The following ANK3 variants were observed in gnomAD, a reference collection of about 807,000 sequenced individuals.
ANK3 encodes ankyrin-3.
ANK3 carries 57 observed loss-of-function variants against 370.9 expected under a neutral mutation model. The ratio of observed to expected loss-of-function variants is 0.15; its 90% confidence interval spans 0.12 to 0.19. The LOEUF is 0.19. Among genes scored for constraint, ANK3 ranks in the 10% least tolerant of loss-of-function variants. ANK3 has a pLI of 1.00. For synonymous variants in ANK3, 1,929 were observed against 1,946.3 expected (o/e 0.99, Z 0.23); for missense variants, 4,439 against 5,302.1 (o/e 0.84, Z 5.06).
chr10:60,434,346 T>A (rs939171775), intron 2 of ANK3, among the ~76,000 whole-genome samples: 1 of 152,202 alleles, frequency 6.6e-6, no homozygotes, highest in Non-Finnish European at 1.5e-5. Flanking sequence ...AGTCTACTTA[T>A]TATACTATAG....
chr10:60,341,634 TAA>T (rs1304102810), intron 1 of ANK3, among the ~76,000 whole-genome samples: 1 of 152,150 alleles, frequency 6.6e-6, no homozygotes, highest in Non-Finnish European at 1.5e-5. Context: ...TTTTCCCAAG[TAA>T]AGAGGGGGCA....
In ANK3 at chr10:60,028,275, G is replaced by T. The variant is rs74155257; in HGVS notation, c.*1571C>A. 3,316 of 152,688 alleles carry T rather than the reference G, an allele frequency of 0.022. 55 individuals carry two copies. Among genetic ancestry groups the T allele is most frequent in the African/African-American group, 0.049 (2,043 of 41,556 alleles). The allele number at this position is 152,688 out of a possible 1,614,324, so 9.5% of individuals were successfully genotyped here. A position where few individuals can be genotyped will look rare whatever the true frequency, so the allele number is the denominator to read the frequency against. Reference sequence around the variant, plus strand: ...TTGCAGGGCACATATGAATGTTAGAGATTATCTCTTCAGTGACCACAGAGG... The same window carrying T: ...TTGCAGGGCACATATGAATGTTAGATATTATCTCTTCAGTGACCACAGAGG... On this transcript the variant is annotated 3_prime_UTR_variant, in exon 44 of 44. Coordinates refer to ENST00000280772, the MANE Select transcript of ANK3 (RefSeq NM_020987.5).
intron 2 of ANK3, among the ~76,000 whole-genome samples, chr10:60,560,312 C>T (rs1418565062): frequency 1.3e-5 from 2 of 152,040 alleles, no homozygotes; most frequent in African/African-American, 4.8e-5. Flanking sequence ...TAGAAATTCC[C>T]TAAAATAGCA....
At chr10:60,665,218 T>G (rs1401541535) in intron 1 of ANK3, among the ~76,000 whole-genome samples, 1 of 152,178 alleles carries the variant, frequency 6.6e-6, no homozygotes, top group Non-Finnish European at 1.5e-5. Context: ...AAAATTTATT[T>G]TTAAGCATAT....
chr10:60,198,997 T>C (rs2096630460), intron 13 of ANK3, among the ~76,000 whole-genome samples: 1 of 151,900 alleles, frequency 6.6e-6, no homozygotes, highest in African/African-American at 2.4e-5. Flanking sequence ...CAGTGTGGGG[T>C]TGCGCAGTAT....
At chr10:60,495,257 A>C (rs2075624654) in intron 2 of ANK3, among the ~76,000 whole-genome samples, 1 of 152,176 alleles carries the variant, frequency 6.6e-6, no homozygotes, top group Non-Finnish European at 1.5e-5. Flanking sequence ...AAGATCCCTG[A>C]GGTTAAGGCT....
intron 10 of ANK3, among the ~76,000 whole-genome samples, chr10:60,207,822 T>C (rs1174250498): frequency 6.6e-6 from 1 of 152,218 alleles, no homozygotes; most frequent in Non-Finnish European, 1.5e-5. Flanking sequence ...TATGTGACCA[T>C]AAAAACATTA....
chr10:60,528,966 A>T (rs2076541687), intron 2 of ANK3, among the ~76,000 whole-genome samples: 1 of 152,144 alleles, frequency 6.6e-6, no homozygotes, highest in Admixed American at 6.6e-5. Flanking sequence ...TAATGCTGAG[A>T]TACTAACCCA....
chr10:60,247,318 G>A (rs950790821), intron 7 of ANK3, among the ~76,000 whole-genome samples: 1 of 152,052 alleles, frequency 6.6e-6, no homozygotes, highest in African/African-American at 2.4e-5. Flanking sequence ...GACCCAGTCA[G>A]AGCCCAGTGA....
intron 7 of ANK3, among the ~76,000 whole-genome samples, chr10:60,244,260 A>G (rs945025458): frequency 3.9e-5 from 6 of 152,318 alleles, no homozygotes; most frequent in East Asian, 1.9e-4. Context: ...ATGTATGTGA[A>G]TTACTGATGT....
intron 2 of ANK3, among the ~76,000 whole-genome samples, chr10:60,450,279 C>G (rs1205905933): frequency 6.6e-6 from 1 of 152,140 alleles, no homozygotes; most frequent in Non-Finnish European, 1.5e-5. Context: ...GCCTGGGTGA[C>G]AGCGGGAGGC....
chr10:60,261,207 C>T (rs1235787635), intron 7 of ANK3, among the ~76,000 whole-genome samples: 1 of 152,226 alleles, frequency 6.6e-6, no homozygotes, highest in East Asian at 1.9e-4. Context: ...CTGCCTCCAG[C>T]TTCACTTGTA....
rs10159795 is a variant in ANK3 at position 60,456,462 on chromosome 10, C to T, written c.96+158724G>A. Among the ~76,000 whole-genome samples the T allele has an allele frequency of 9.7e-3, 1,479 of 152,268 alleles. 27 individuals carry two copies. The highest frequency in any genetic ancestry group is 0.033 in the African/African-American group (1,365 of 41,556). ...AATCAATGGTTTTTCAAACTACCTCCCTCCTACCCTGATCTCACAGAGGGA... is the reference window on the plus strand; with the variant it reads ...AATCAATGGTTTTTCAAACTACCTCTCTCCTACCCTGATCTCACAGAGGGA... On this transcript the variant is annotated intron_variant, in intron 2 of 43. Coordinates refer to the ANK3 transcript ENST00000373827.
At chr10:60,229,669 A>G (rs1401863077) in intron 8 of ANK3, among the ~76,000 whole-genome samples, 1 of 152,236 alleles carries the variant, frequency 6.6e-6, no homozygotes, top group Admixed American at 6.5e-5. Flanking sequence ...TTATTCTTGT[A>G]CATAAACCGG....
chr10:60,148,483 G>C (rs550710538), intron 23 of ANK3, among the ~76,000 whole-genome samples: 1 of 152,252 alleles, frequency 6.6e-6, no homozygotes, highest in East Asian at 1.9e-4. Flanking sequence ...TAGCCACAAA[G>C]AACAGAATAA....
intron 1 of ANK3, among the ~76,000 whole-genome samples, chr10:60,316,669 G>A (rs896509605): frequency 1.8e-4 from 27 of 152,176 alleles, no homozygotes; most frequent in African/African-American, 6.5e-4. Context: ...TCCTTTTAGA[G>A]ACACTGCAAC....
chr10:60,100,950 AT>A (rs752342858), intron 28 of ANK3, among the ~76,000 whole-genome samples: 2 of 152,136 alleles, frequency 1.3e-5, no homozygotes, highest in African/African-American at 4.8e-5. Context: ...GGTGAAATTA[AT>A]TTTTTATTTG....
chr10:60,428,464 C>T (rs946462231), intron 2 of ANK3, among the ~76,000 whole-genome samples: 2 of 152,192 alleles, frequency 1.3e-5, no homozygotes, highest in African/African-American at 4.8e-5. Flanking sequence ...CTGCCCCTTA[C>T]AATTTCCTAT....
intron 1 of ANK3, among the ~76,000 whole-genome samples, chr10:60,731,535 G>C (rs1256069302): frequency 6.6e-6 from 1 of 152,220 alleles, no homozygotes; most frequent in Non-Finnish European, 1.5e-5. Context: ...CCACTGATTT[G>C]AGAACTAAGA....
Sources: allele counts gnomAD v4.1 joint callset (sites outside exome capture counted in the v4.1 genomes callset), GRCh38; gene constraint gnomAD v4.1.1; transcripts MANE v1.5; gene names NCBI Gene and HGNC (gene_info 2026-07-23, HGNC 2026-07-21).